CDHR2: variants seen among roughly 807,000 people sequenced by gnomAD.
CDHR2 encodes the protein cadherin related family member 2.
Under a neutral mutation model 138.6 loss-of-function variants are expected in CDHR2, and 104 were observed. The observed-to-expected ratio is 0.75, with a 90% CI of 0.64 to 0.88. CDHR2 has a LOEUF of 0.88. Ranked by LOEUF, CDHR2 falls within the 40% of genes least tolerant of loss-of-function variation. CDHR2 has a pLI of 0.00. For synonymous variants in CDHR2, 755 were observed against 742.8 expected, an observed-to-expected ratio of 1.02 and a Z score of -0.27; for missense variants, 1,624 against 1,727.6, an observed-to-expected ratio of 0.94 and a Z score of 1.06.
chr5:176,566,981 G>A (rs756004714), intron 3 of CDHR2: 91 of 456,172 alleles, frequency 2.0e-4, no homozygotes, highest in African/African-American at 1.8e-3. Flanking sequence ...AAAGCTGCCA[G>A]ATGAAACAAG....
intron 16 of CDHR2, among the ~76,000 whole-genome samples, chr5:176,579,569 G>A (rs17078336): frequency 0.24 from 35,736 of 152,040 alleles, 4,343 homozygotes; most frequent in East Asian, 0.45. Flanking sequence ...GAGCCCCAGG[G>A]AGCACTTGAT....
At chr5:176,579,987 A>C (rs1339745412) in intron 16 of CDHR2, among the ~76,000 whole-genome samples, 1 of 152,184 alleles carries the variant, frequency 6.6e-6, no homozygotes, top group African/African-American at 2.4e-5. Context: ...TGTGGGAGGC[A>C]TCGGGGTGAG....
intron 16 of CDHR2, among the ~76,000 whole-genome samples, chr5:176,580,911 T>A (rs1013197963): frequency 4.6e-5 from 7 of 152,142 alleles, no homozygotes; most frequent in Non-Finnish European, 4.4e-5. Context: ...AATATGTATA[T>A]AGCACTGAAG....
upstream of CDHR2, among the ~76,000 whole-genome samples, chr5:176,545,487 A>T (rs1054679885): frequency 6.6e-6 from 1 of 152,244 alleles, no homozygotes. Flanking sequence ...CACACTTCAG[A>T]CAGTGGCTGT....
At chr5:176,567,875 C>A (rs1758119244) in intron 3 of CDHR2, among the ~76,000 whole-genome samples, 1 of 152,230 alleles carries the variant, frequency 6.6e-6, no homozygotes, top group South Asian at 2.1e-4. Flanking sequence ...AGCCATCCCC[C>A]ATCTCAGCCT....
Position 176,550,668 on chromosome 5 carries a change from A to G in CDHR2, c.-16+1254A>G, listed in dbSNP as rs149973529. 4.6e-5 allele frequency among the ~76,000 whole-genome samples: 7 copies of G among 152,332 alleles called. No homozygotes were observed. The East Asian group carries it at 1.2e-3, about 25-fold the overall frequency. On this transcript the variant is annotated intron_variant, in intron 1 of 31. Coordinates refer to ENST00000261944, the MANE Select transcript of CDHR2 (RefSeq NM_017675.6). Reference sequence around the variant, plus strand: ...AAAGCAGAAGTGAAAGTGCATGGCGAGCTGGCCGTGTAGCGGTGGCGGTGC... The same window carrying G: ...AAAGCAGAAGTGAAAGTGCATGGCGGGCTGGCCGTGTAGCGGTGGCGGTGC...
intron 16 of CDHR2, 33 bp from the exon 17 acceptor site, chr5:176,581,310 T>C (rs1402559411): frequency 1.2e-6 from 2 of 1,607,706 alleles, no homozygotes; most frequent in Non-Finnish European, 1.7e-6. Flanking sequence ...GGAATGCCGA[T>C]GGCCGATGAC....
Position 176,543,476 on chromosome 5 carries a change from G to C in CDHR2, c.-16+707G>C, listed in dbSNP as rs1288913220. ...ACCCCCGCCCCGGCCCCGCGCGAAT[G>C]GAGCTGCCTGGACCGCACCACGCGT... On this transcript the variant is annotated intron_variant, in intron 1 of 31. Coordinates refer to the CDHR2 transcript ENST00000510636. The surrounding 1 kb of genome is among the most constrained non-coding windows in gnomAD (Gnocchi z 4.0). The C allele has an allele frequency of 3.9e-5, 6 of 152,004 alleles. No individual in the cohort carries two copies. The highest frequency in any genetic ancestry group is 5.9e-5 in the Non-Finnish European group (4 of 67,968). 9.4% of individuals were successfully genotyped at this position (152,004 alleles called of 1,614,324 possible).
intron 21 of CDHR2, among the ~76,000 whole-genome samples, chr5:176,588,573 G>C (rs1163640252): frequency 6.9e-6 from 1 of 145,754 alleles, no homozygotes; most frequent in Non-Finnish European, 1.5e-5. Context: ...CAGTGTGTGA[G>C]AGTGTGTGTG....
chr5:176,576,208 GGGCGGGGGTGGCTGGGGGA>G lies in CDHR2; in HGVS notation c.1194+27_1194+45del, dbSNP rs1758378708. 1 of 1,578,962 alleles carries G rather than the reference GGGCGGGGGTGGCTGGGGGA, an allele frequency of 6.3e-7. No individual in the cohort carries two copies. Among genetic ancestry groups the G allele is most frequent in the South Asian group, 1.1e-5 (1 of 89,544 alleles). ...AAGGCAGGCGTGGTGGCGTGGGTGT[GGGCGGGGGTGGCTGGGGGA>G]GGCCAGTGGGAGCCTGGATCGAGTG... On this transcript the variant is annotated intron_variant, in intron 12 of 31. Transcript: ENST00000261944. This position sits in a 1 kb window ranked among gnomAD's most constrained non-coding sequence, Gnocchi z 4.5.
chr5:176,562,431 T>C (rs2113273086), intron 1 of CDHR2, among the ~76,000 whole-genome samples: 1 of 151,138 alleles, frequency 6.6e-6, no homozygotes, highest in East Asian at 2.0e-4. Context: ...TCCCCGAGGC[T>C]GGAACTCGGG....
rs755081443 is a variant in CDHR2, at chr5:176,576,111, G to A, written c.1120G>A (p.Gly374Ser). The A allele has an allele frequency of 1.9e-6, 3 of 1,613,976 alleles. No homozygotes were observed. The East Asian group carries it at 6.7e-5, about 36-fold the overall frequency. The change falls in exon 12 of 32, where the codon GGC becomes AGC. Residue 374 changes from glycine to serine, a missense_variant. Gly to Ser is a moderately conservative substitution (Grantham distance 56, BLOSUM62 0). Coordinates refer to ENST00000261944, the MANE Select transcript of CDHR2 (RefSeq NM_017675.6). This position sits in a 1 kb window ranked among gnomAD's most constrained non-coding sequence, Gnocchi z 4.5. ...CGAAGAGGCCCAAGTGAACTTCACT[G>A]GCTACGTGGACGAGCATGCCTCCCC... Reference protein sequence around the residue: ...TPEEAQVNFTGYVDEHASPRI... With the variant: ...TPEEAQVNFTSYVDEHASPRI...
At position 176,579,090 on chromosome 5, in the gene CDHR2, C is replaced by A. The variant is rs117476191; in HGVS notation, c.1818+482C>A. Among the ~76,000 whole-genome samples the A allele has an allele frequency of 8.0e-4, 122 of 152,268 alleles. No individual in the cohort carries two copies. The East Asian group carries it at 0.018, about 22-fold the overall frequency. On this transcript the variant is annotated intron_variant, in intron 16 of 31. Transcript: ENST00000261944. Reference sequence around the variant, plus strand: ...GCAAAAAAGGAAATGAGATCAGTGGCCAGGTTCACAGAGTTCATGAGATAA... The same window carrying A: ...GCAAAAAAGGAAATGAGATCAGTGGACAGGTTCACAGAGTTCATGAGATAA...
intron 21 of CDHR2, 105 bp from the exon 22 acceptor site, chr5:176,588,926 C>G (rs147856565): frequency 8.6e-7 from 1 of 1,157,864 alleles, no homozygotes; most frequent in Non-Finnish European, 1.2e-6. Context: ...CGGATAGAGA[C>G]GGTGAGGGCC....
chr5:176,575,880 C>T (rs1337443595), intron 11 of CDHR2, 41 bp downstream of exon 11: 1 of 1,550,140 alleles, frequency 6.5e-7, no homozygotes, highest in Non-Finnish European at 8.7e-7. Context: ...ACCCTGCTCT[C>T]TAACCTCTGG....
chr5:176,591,689 A>G (rs1232039480), intron 30 of CDHR2: 1 of 484,758 alleles, frequency 2.1e-6, no homozygotes, highest in Non-Finnish European at 3.7e-6. Context: ...GATGACAACA[A>G]TGATGGTGGT....
chr5:176,570,038 G>A (rs183221273), intron 5 of CDHR2, among the ~76,000 whole-genome samples: 75 of 152,020 alleles, frequency 4.9e-4, no homozygotes, highest in Non-Finnish European at 6.8e-4. Flanking sequence ...AGTGTTGACC[G>A]TTACTGTATG....
chr5:176,572,112 C>T (rs116550260), intron 6 of CDHR2, among the ~76,000 whole-genome samples: 3,529 of 151,382 alleles, frequency 0.023, 166 homozygotes, highest in African/African-American at 0.081. Flanking sequence ...CGCCGGGTGC[C>T]GTGGCTCACT....
upstream of CDHR2, among the ~76,000 whole-genome samples, chr5:176,548,984 C>A (rs1020659200): frequency 1.3e-5 from 2 of 152,158 alleles, no homozygotes. Context: ...CTCAATCCCC[C>A]ACTTGTCCAC....
Sources: gnomAD v4.1 joint callset for allele counts (sites outside exome capture counted in the v4.1 genomes callset) on GRCh38, gnomAD v4.1.1 for gene constraint, Gnocchi (gnomAD v3.1) non-coding constraint, MANE v1.5 for transcripts, NCBI Gene and HGNC (gene_info 2026-07-23, HGNC 2026-07-21) for gene names.